EGFLAM: variants seen among roughly 807,000 people sequenced by gnomAD.
EGFLAM encodes pikachurin.
Under a neutral mutation model 113.1 loss-of-function variants are expected in EGFLAM, and 79 were observed. The ratio of observed to expected loss-of-function variants is 0.70; its 90% CI spans 0.58 to 0.84. The LOEUF (loss-of-function observed/expected upper bound fraction) is 0.84, where lower values mean the gene tolerates loss of function less well. EGFLAM is among the 40% of genes least tolerant of loss of function. EGFLAM has a pLI of 0.00. For missense variants in EGFLAM, 1,265 were observed against 1,291.6 expected (o/e 0.98, Z 0.32); for synonymous variants, 504 against 487.6 (o/e 1.03, Z -0.44).
chr5:38,380,295 TAAG>T (rs1740476085), intron 6 of EGFLAM, among the ~76,000 whole-genome samples: 1 of 152,252 alleles, frequency 6.6e-6, no homozygotes. Context: ...GTCAAGCTTT[TAAG>T]GAATCAATTA....
intron 6 of EGFLAM, among the ~76,000 whole-genome samples, chr5:38,383,301 AC>A (rs1179639559): frequency 1.3e-5 from 2 of 152,250 alleles, no homozygotes; most frequent in Admixed American, 6.5e-5. Flanking sequence ...ACTGGTACAT[AC>A]ATTTCTTTCC....
intron 20 of EGFLAM, among the ~76,000 whole-genome samples, chr5:38,462,192 C>A (rs1163729838): frequency 1.3e-5 from 2 of 152,006 alleles, no homozygotes; most frequent in Non-Finnish European, 2.9e-5. Flanking sequence ...ATAAAATAAA[C>A]AGAAACTTCT....
chr5:38,361,068 G>A (rs1485840297), intron 5 of EGFLAM, among the ~76,000 whole-genome samples: 1 of 145,262 alleles, frequency 6.9e-6, no homozygotes, highest in Non-Finnish European at 1.5e-5. Flanking sequence ...GTTTCACCAT[G>A]TTAGCCAGGC....
At position 38,420,890 on chromosome 5, in the gene EGFLAM, A is replaced by G. The variant is rs112527955; in HGVS notation, c.1684+2635A>G. On this transcript the variant is annotated intron_variant, in intron 12 of 21. Transcript: ENST00000322350. ...TCAGCTCCCTGGATACAGCTATTGGATTACTGTATAGACTTCCCTCTGTGA... is the reference window on the plus strand; with the variant it reads ...TCAGCTCCCTGGATACAGCTATTGGGTTACTGTATAGACTTCCCTCTGTGA... 4.0e-3 allele frequency among the ~76,000 whole-genome samples: 604 copies of G among 152,256 alleles called. 4 individuals are homozygous for G. The highest frequency in any genetic ancestry group is 0.014 in the African/African-American group (590 of 41,558).
chr5:38,370,758 C>A (rs1740188651), intron 6 of EGFLAM, among the ~76,000 whole-genome samples: 1 of 152,204 alleles, frequency 6.6e-6, no homozygotes, highest in African/African-American at 2.4e-5. Flanking sequence ...TGATATGCAG[C>A]CTTCCCCCTC....
chr5:38,274,728 A>G (rs1003267500), intron 1 of EGFLAM, among the ~76,000 whole-genome samples: 1 of 152,194 alleles, frequency 6.6e-6, no homozygotes, highest in Non-Finnish European at 1.5e-5. Context: ...CTGAAAGAAA[A>G]GGGTGCCAAT....
At chr5:38,327,116 G>A (rs764698540) in intron 1 of EGFLAM, among the ~76,000 whole-genome samples, 1 of 152,062 alleles carries the variant, frequency 6.6e-6, no homozygotes, top group East Asian at 1.9e-4. Flanking sequence ...TATTTTACGC[G>A]GGTATATTAC....
intron 17 of EGFLAM, 61 bp downstream of exon 17, chr5:38,438,516 T>C (rs1742433550): frequency 6.9e-7 from 1 of 1,442,276 alleles, no homozygotes; most frequent in Non-Finnish European, 9.2e-7. Context: ...GACAGCCAAT[T>C]GGGGGACCAC....
At chr5:38,326,260 G>T (rs1290724649) in intron 1 of EGFLAM, among the ~76,000 whole-genome samples, 1 of 152,214 alleles carries the variant, frequency 6.6e-6, no homozygotes, top group East Asian at 1.9e-4. Context: ...ACATCATTCA[G>T]AATCAGAACT....
In EGFLAM at chr5:38,438,361, A is replaced by G. The variant is rs1248524794; in HGVS notation, c.2370A>G (p.Arg790=). The change falls in exon 17 of 22, where the codon AGA becomes AGG. Residue 790 remains arginine, a synonymous_variant. Coordinates refer to ENST00000322350, the MANE Select transcript of EGFLAM (RefSeq NM_152403.4). ...NVENAAHPCV[R]APCAHGGSCR... ...AGAATGCGGCCCACCCCTGTGTGAG[A>G]GCCCCTTGTGCCCATGGGGGCAGCT... 1 of 1,614,100 alleles carries G rather than the reference A, an allele frequency of 6.2e-7. No homozygotes were observed.
chr5:38,419,888 T>A (rs2961896), intron 12 of EGFLAM, among the ~76,000 whole-genome samples: 151,538 of 152,298 alleles, frequency 1, 75,407 homozygotes, highest in Middle Eastern at 1. Flanking sequence ...TTAGCCGGGC[T>A]TAGTGGCACA....
At chr5:38,358,220 T>C (rs1739814932) in intron 5 of EGFLAM, among the ~76,000 whole-genome samples, 3 of 151,170 alleles carry the variant, frequency 2.0e-5, no homozygotes, top group Admixed American at 6.6e-5. Context: ...CCGAGGTGGG[T>C]GGATCACGAG....
chr5:38,322,131 G>A (rs758138312), intron 1 of EGFLAM, among the ~76,000 whole-genome samples: 1 of 152,102 alleles, frequency 6.6e-6, no homozygotes. Flanking sequence ...ATATGCACAC[G>A]CATGGACACC....
intron 10 of EGFLAM, 26 bp from the exon 11 acceptor site, chr5:38,412,478 C>A (rs754883782): frequency 9.9e-6 from 16 of 1,612,234 alleles, no homozygotes; most frequent in Non-Finnish European, 1.4e-5. Context: ...GTCAAGAAAT[C>A]TTCTTTTCCT....
intron 1 of EGFLAM, chr5:38,285,979 T>C (rs912012273): frequency 7.2e-5 from 11 of 152,128 alleles, no homozygotes; most frequent in Admixed American, 5.2e-4. Context: ...TTTCTTTTGC[T>C]CACCATGATT....
intron 1 of EGFLAM, among the ~76,000 whole-genome samples, chr5:38,310,114 A>G (rs1263762934): frequency 6.6e-6 from 1 of 152,246 alleles, no homozygotes. Context: ...TATCTTTTAA[A>G]GTGGCTAAAC....
At chr5:38,326,439 T>C (rs957137876) in intron 1 of EGFLAM, among the ~76,000 whole-genome samples, 1 of 152,166 alleles carries the variant, frequency 6.6e-6, no homozygotes, top group African/African-American at 2.4e-5. Context: ...ATTCCCTGTG[T>C]CCTTGTTCAC....
At chr5:38,301,793 G>A (rs1758586357) in intron 1 of EGFLAM, among the ~76,000 whole-genome samples, 1 of 152,132 alleles carries the variant, frequency 6.6e-6, no homozygotes, top group Non-Finnish European at 1.5e-5. Context: ...CATTCTGAGA[G>A]TTTGGGAAGA....
At chr5:38,388,008 A>G (rs1052154793) in intron 6 of EGFLAM, among the ~76,000 whole-genome samples, 3 of 152,144 alleles carry the variant, frequency 2.0e-5, no homozygotes, top group African/African-American at 7.2e-5. Context: ...CTTAGTTACC[A>G]CTGATTTTCT....
Sources: gnomAD v4.1 joint callset for allele counts (sites outside exome capture counted in the v4.1 genomes callset) on GRCh38, gnomAD v4.1.1 for gene constraint, MANE v1.5 for transcripts, NCBI Gene and HGNC (gene_info 2026-07-23, HGNC 2026-07-21) for gene names.